Variants in DMD observed in about 807,000 individuals in gnomAD.
DMD encodes the protein mutant dystrophin.
DMD carries 63 observed loss-of-function variants against 330.1 expected under a neutral mutation model. The ratio of observed to expected loss-of-function variants is 0.19; its 90% confidence interval spans 0.16 to 0.24. The LOEUF is 0.24. Among genes scored for constraint, DMD ranks in the 10% least tolerant of loss-of-function variants. DMD has a pLI of 1.00. For missense variants in DMD, 3,344 were observed against 2,684.1 expected, an observed-to-expected ratio of 1.25 and a Z score of -5.43; for synonymous variants, 1,223 against 959.8, an observed-to-expected ratio of 1.27 and a Z score of -5.07.
At chrX:31,210,415 C>T (rs2044533755) in intron 64 of DMD, among the ~76,000 whole-genome samples, 1 of 111,926 alleles carries the variant, frequency 8.9e-6, no homozygotes. Flanking sequence ...GGAAAATTCC[C>T]TTGATCTGAG....
At chrX:32,739,861 T>G (rs772728373) in intron 7 of DMD, among the ~76,000 whole-genome samples, 79 of 110,316 alleles carry the variant, frequency 7.2e-4, no homozygotes, top group Non-Finnish European at 1.4e-3. Flanking sequence ...GATGAGAAAC[T>G]CAGGGGGTGG....
At chrX:33,179,529 T>C (rs1453685528) in intron 1 of DMD, among the ~76,000 whole-genome samples, 2 of 108,950 alleles carry the variant, frequency 1.8e-5, no homozygotes, top group African/African-American at 6.7e-5. Flanking sequence ...CCGTTTCTAC[T>C]AAAAATACAA....
chrX:33,006,876 A>C (rs2093407864), intron 2 of DMD, among the ~76,000 whole-genome samples: 1 of 111,068 alleles, frequency 9.0e-6, no homozygotes, highest in Admixed American at 9.7e-5. Flanking sequence ...TATCCCAGTA[A>C]ATAACCATCC....
chrX:32,115,419 T>A (rs144845154), intron 44 of DMD, among the ~76,000 whole-genome samples: 1 of 110,770 alleles, frequency 9.0e-6, no homozygotes, highest in African/African-American at 3.3e-5. Flanking sequence ...CGCGCGTGTG[T>A]GTGTGTAGAG....
intron 60 of DMD, among the ~76,000 whole-genome samples, chrX:31,392,778 G>T (rs1048918412): frequency 1.8e-5 from 2 of 112,102 alleles, no homozygotes; most frequent in African/African-American, 6.5e-5. Flanking sequence ...TTATTTCAAA[G>T]ACTCAGAATT....
chrX:32,034,968 T>A (rs978215761), intron 44 of DMD, among the ~76,000 whole-genome samples: 1 of 111,834 alleles, frequency 8.9e-6, no homozygotes, highest in Non-Finnish European at 1.9e-5. Flanking sequence ...AAATACTTTA[T>A]TTGCTACTTA....
At chrX:32,212,038 C>T (rs1358003235) in intron 44 of DMD, among the ~76,000 whole-genome samples, 1 of 111,885 alleles carries the variant, frequency 8.9e-6, no homozygotes, top group Non-Finnish European at 1.9e-5. Context: ...CTTGAAAGCA[C>T]ACAAATTCAC....
chrX:32,481,378 C>A (rs144517309), intron 21 of DMD, among the ~76,000 whole-genome samples: 1,501 of 111,478 alleles, frequency 0.013, 21 homozygotes, highest in African/African-American at 0.045. Context: ...TATTGCATTT[C>A]TTCTTCACAT....
intron 63 of DMD, among the ~76,000 whole-genome samples, chrX:31,224,771 A>C (rs1329211921): frequency 8.9e-6 from 1 of 112,431 alleles, no homozygotes; most frequent in Non-Finnish European, 1.9e-5. Context: ...AGTTGTGGTA[A>C]AGTCATTCAG....
rs1309060905 is a variant in DMD at position 32,596,474 on chromosome X, C to A, written c.1483-598G>T. ...TCTTACTTGACATGTTGATTACTAA[C>A]CTAATTGGCCACTCCCTCATTCTTG... On this transcript the variant is annotated intron_variant, in intron 12 of 78. Coordinates refer to ENST00000357033, the MANE Select transcript of DMD (RefSeq NM_004006.3). 2.7e-5 allele frequency among the ~76,000 whole-genome samples: 3 copies of A among 111,285 alleles called. No individual in the cohort carries two copies. The East Asian group carries it at 8.5e-4, about 31-fold the overall frequency.
intron 9 of DMD, among the ~76,000 whole-genome samples, chrX:32,679,447 A>G (rs1312841611): frequency 9.0e-6 from 1 of 111,195 alleles, no homozygotes. Context: ...TTGTCACCCA[A>G]CTCTTTCTGG....
chrX:31,543,485 G>A (rs1476341762), intron 55 of DMD, among the ~76,000 whole-genome samples: 1 of 111,873 alleles, frequency 8.9e-6, no homozygotes, highest in African/African-American at 3.3e-5. Context: ...CTGTATTCTT[G>A]AATAATTATG....
chrX:31,330,727 C>T (rs765310564), intron 61 of DMD, among the ~76,000 whole-genome samples: 1 of 111,608 alleles, frequency 9.0e-6, no homozygotes, highest in Non-Finnish European at 1.9e-5. Context: ...GATTATAATA[C>T]AGTATTTAAG....
Position 32,645,074 on chromosome X carries a change from C to T in DMD, c.1039G>A (p.Ala347Thr). ...AGCCACGATAATACTTCTTCTAAAGCTGTTTGATAACGGTCCAGGTTTACT... is the reference window on the plus strand; with the variant it reads ...AGCCACGATAATACTTCTTCTAAAGTTGTTTGATAACGGTCCAGGTTTACT... ...SEVNLDRYQT[A>T]LEEVLSWLLS... The change falls in exon 10 of 79, where the codon GCT (alanine) becomes ACT (threonine). Residue 347 changes from alanine to threonine, a missense_variant. By Grantham distance (58) the Ala-to-Thr change is moderately conservative. Coordinates refer to ENST00000357033, the MANE Select transcript of DMD (RefSeq NM_004006.3). The T allele has an allele frequency of 1.7e-6, 2 of 1,211,631 alleles. No homozygotes were observed. Among genetic ancestry groups the T allele is most frequent in the Non-Finnish European group, 1.1e-6 (1 of 895,453 alleles).
chrX:31,930,167 T>C (rs992166843), intron 46 of DMD, among the ~76,000 whole-genome samples: 1 of 110,901 alleles, frequency 9.0e-6, no homozygotes, highest in Non-Finnish European at 1.9e-5. Flanking sequence ...GTAACTGACA[T>C]TGAGAGTATT....
intron 61 of DMD, among the ~76,000 whole-genome samples, chrX:31,344,747 G>A (rs949488456): frequency 3.6e-5 from 4 of 110,399 alleles, no homozygotes; most frequent in African/African-American, 9.9e-5. Flanking sequence ...CTACTCGGGA[G>A]GCTGAGTCAT....
chrX:32,042,543 G>C (rs1010118252), intron 44 of DMD, among the ~76,000 whole-genome samples: 2 of 111,339 alleles, frequency 1.8e-5, no homozygotes, highest in African/African-American at 6.5e-5. Context: ...GACACACGGG[G>C]ATTATAATTC....
intron 44 of DMD, among the ~76,000 whole-genome samples, chrX:32,091,288 A>T (rs773659909): frequency 5.3e-5 from 6 of 112,208 alleles, no homozygotes; most frequent in Admixed American, 2.9e-4. Flanking sequence ...AAGAAACACC[A>T]GAGAATTCTT....
At chrX:32,817,701 T>G (rs1293806057) in intron 5 of DMD, among the ~76,000 whole-genome samples, 1 of 111,940 alleles carries the variant, frequency 8.9e-6, no homozygotes, top group African/African-American at 3.2e-5. Flanking sequence ...TATTGTGCAT[T>G]CTAAATATGA....
Sources: gnomAD v4.1 joint callset for allele counts (sites outside exome capture counted in the v4.1 genomes callset) on GRCh38, gnomAD v4.1.1 for gene constraint, MANE v1.5 for transcripts, NCBI Gene and HGNC (gene_info 2026-07-23, HGNC 2026-07-21) for gene names.